Variants in NR3C2 observed in about 807,000 individuals in gnomAD.
NR3C2 encodes the protein nuclear receptor subfamily 3 group C member 2, also known as mineralocorticoid receptor.
NR3C2 carries 15 observed loss-of-function variants against 86.4 expected under a neutral mutation model. That is an observed-to-expected ratio of 0.17 (90% CI 0.12 to 0.27). The LOEUF (loss-of-function observed/expected upper bound fraction) is 0.27, where lower values mean the gene tolerates loss of function less well. Ranked by LOEUF, NR3C2 falls within the 10% of genes least tolerant of loss-of-function variation. The probability of loss-of-function intolerance (pLI) is 1.00; values close to 1 mark genes in which losing one functional copy is unlikely to be tolerated. For synonymous variants in NR3C2, 458 were observed against 450.5 expected (o/e 1.02, Z -0.21); for missense variants, 960 against 1,195.6 (o/e 0.80, Z 2.91).
intron 6 of NR3C2, among the ~76,000 whole-genome samples, chr4:148,136,056 C>CAAAAAAAAAAAAAA (rs199716496): frequency 2.7e-4 from 19 of 71,156 alleles, no homozygotes; most frequent in Non-Finnish European, 3.7e-4. Flanking sequence ...GACTCCGTCT[C>CAAAAAAAAAAAAAA]AAAAAAAAAA....
At chr4:148,249,223 G>T (rs1165258787) in intron 3 of NR3C2, among the ~76,000 whole-genome samples, 1 of 151,928 alleles carries the variant, frequency 6.6e-6, no homozygotes, top group Non-Finnish European at 1.5e-5. Flanking sequence ...TAAAGCCCTA[G>T]GTCTTCCTTT....
chr4:148,264,240 T>G (rs1015258536), intron 2 of NR3C2, among the ~76,000 whole-genome samples: 1 of 152,184 alleles, frequency 6.6e-6, no homozygotes, highest in African/African-American at 2.4e-5. Context: ...TAGATGGGTT[T>G]GGAAAACTCT....
At chr4:148,126,196 A>T (rs985441415) in intron 6 of NR3C2, among the ~76,000 whole-genome samples, 1 of 152,234 alleles carries the variant, frequency 6.6e-6, no homozygotes, top group Non-Finnish European at 1.5e-5. Flanking sequence ...GTGATCATGT[A>T]CCATCTGAGA....
chr4:148,104,857 C>A (rs1731722295), intron 8 of NR3C2, among the ~76,000 whole-genome samples: 1 of 152,060 alleles, frequency 6.6e-6, no homozygotes, highest in Admixed American at 6.5e-5. Flanking sequence ...AACCTAGCAC[C>A]AGAGGCCACA....
chr4:148,326,946 A>G (rs1001969746), intron 2 of NR3C2, among the ~76,000 whole-genome samples: 2 of 152,238 alleles, frequency 1.3e-5, no homozygotes, highest in African/African-American at 4.8e-5. Flanking sequence ...AATATACTTT[A>G]AAAACATAAT....
chr4:148,323,794 C>G (rs958571042), intron 2 of NR3C2, among the ~76,000 whole-genome samples: 10 of 152,250 alleles, frequency 6.6e-5, no homozygotes, highest in African/African-American at 2.4e-4. Flanking sequence ...CTCCCTAGTG[C>G]GATGAACCCG....
At chr4:148,195,737 G>T (rs1736410865) in intron 3 of NR3C2, among the ~76,000 whole-genome samples, 1 of 152,178 alleles carries the variant, frequency 6.6e-6, no homozygotes. Context: ...AGAAAGAAAA[G>T]CAAATGTGGT....
intron 2 of NR3C2, among the ~76,000 whole-genome samples, chr4:148,402,917 C>T (rs925550868): frequency 1.3e-5 from 2 of 151,972 alleles, no homozygotes; most frequent in African/African-American, 4.8e-5. Context: ...TTAAAGGATA[C>T]ACAATAGTGG....
At chr4:148,339,823 T>C (rs1744666775) in intron 2 of NR3C2, among the ~76,000 whole-genome samples, 1 of 152,118 alleles carries the variant, frequency 6.6e-6, no homozygotes, top group Non-Finnish European at 1.5e-5. Context: ...CAAAACATTG[T>C]TAGAACCAGT....
intron 3 of NR3C2, among the ~76,000 whole-genome samples, chr4:148,199,464 C>T (rs1243205033): frequency 6.6e-6 from 1 of 151,868 alleles, no homozygotes; most frequent in Non-Finnish European, 1.5e-5. Flanking sequence ...CTCGCTATCT[C>T]TTTTTTTTAA....
At chr4:148,295,140 TG>T (rs1487022283) in intron 2 of NR3C2, among the ~76,000 whole-genome samples, 1 of 151,146 alleles carries the variant, frequency 6.6e-6, no homozygotes, top group Non-Finnish European at 1.5e-5. Flanking sequence ...GTAAAAAAGA[TG>T]GGGAGGATTT....
At chr4:148,391,615 C>T (rs1303361735) in intron 2 of NR3C2, among the ~76,000 whole-genome samples, 1 of 152,002 alleles carries the variant, frequency 6.6e-6, no homozygotes, top group Non-Finnish European at 1.5e-5. Flanking sequence ...GCCTGTAATC[C>T]CAGCAGTTTG....
At chr4:148,382,651 T>C (rs1025372044) in intron 2 of NR3C2, among the ~76,000 whole-genome samples, 1 of 152,218 alleles carries the variant, frequency 6.6e-6, no homozygotes, top group African/African-American at 2.4e-5. Flanking sequence ...ACATCATACA[T>C]TAAAAGGGCT....
At chr4:148,143,442 C>T (rs961984172) in intron 6 of NR3C2, among the ~76,000 whole-genome samples, 4 of 152,200 alleles carry the variant, frequency 2.6e-5, no homozygotes, top group African/African-American at 9.7e-5. Context: ...GCTATGCCAC[C>T]AACTTATACC....
Position 148,436,867 on chromosome 4 carries a change from C to T in NR3C2, c.-2-5G>A, listed in dbSNP as rs1401813766. 9.4e-6 allele frequency: 15 copies of T among 1,595,100 alleles called. No individual in the cohort carries two copies. In the Admixed American group the frequency reaches 2.0e-4, roughly 22 times the overall value. On this transcript the variant is annotated splice_polypyrimidine_tract_variant and splice_region_variant and intron_variant, in intron 1 of 8. Transcript: ENST00000358102. ...GGTAGCCTTTGGTCTCCATCGCTAA[C>T]AAATAAATTTACATTAAAAAATTAG...
chr4:148,425,964 C>G (rs1383243415), intron 2 of NR3C2, among the ~76,000 whole-genome samples: 2 of 152,110 alleles, frequency 1.3e-5, no homozygotes, highest in African/African-American at 4.8e-5. Flanking sequence ...TGACTGCAGT[C>G]TCATTTCTAT....
chr4:148,274,173 A>G (rs1255162637), intron 2 of NR3C2, among the ~76,000 whole-genome samples: 1 of 152,236 alleles, frequency 6.6e-6, no homozygotes, highest in Non-Finnish European at 1.5e-5. Flanking sequence ...CAGAAGCAGC[A>G]AAAACTTTCC....
Position 148,086,276 on chromosome 4 carries a change from T to C in NR3C2, c.2800-4777A>G, listed in dbSNP as rs562736302. ...CCAGCAGCACATTAAAAAGCTTATC[T>C]ACCACGATCAAGTCGGCTTCATCCC... On this transcript the variant is annotated intron_variant, in intron 8 of 8. Coordinates refer to ENST00000358102, the MANE Select transcript of NR3C2 (RefSeq NM_000901.5). 1.6e-3 allele frequency among the ~76,000 whole-genome samples: 251 copies of C among 152,320 alleles called. 1 individual carries two copies. Among genetic ancestry groups the C allele is most frequent in the African/African-American group, 5.7e-3 (238 of 41,564 alleles).
At chr4:148,144,678 A>G (rs1430927920) in intron 6 of NR3C2, among the ~76,000 whole-genome samples, 1 of 152,194 alleles carries the variant, frequency 6.6e-6, no homozygotes, top group African/African-American at 2.4e-5. Context: ...TCTAGCTTAT[A>G]AAACCTCCTC....
Sources: allele counts gnomAD v4.1 joint callset (sites outside exome capture counted in the v4.1 genomes callset), GRCh38; gene constraint gnomAD v4.1.1; transcripts MANE v1.5; gene names NCBI Gene and HGNC (gene_info 2026-07-23, HGNC 2026-07-21).